Variants in DOCK3 observed in about 807,000 individuals in gnomAD.
DOCK3 encodes the protein dedicator of cytokinesis protein 3.
In DOCK3, 60 loss-of-function variants were observed where a neutral mutation model predicts 265.6. That is an observed-to-expected ratio of 0.23 (90% CI 0.18 to 0.28). The LOEUF is 0.28. Among genes scored for constraint, DOCK3 ranks in the 10% least tolerant of loss-of-function variants. The pLI is 1.00. For synonymous variants in DOCK3, 881 were observed against 938.0 expected (o/e 0.94, Z 1.11); for missense variants, 1,981 against 2,594.3 (o/e 0.76, Z 5.14).
At chr3:50,839,778 T>C (rs2045728621) in intron 2 of DOCK3, among the ~76,000 whole-genome samples, 1 of 120,216 alleles carries the variant, frequency 8.3e-6, no homozygotes, top group East Asian at 2.9e-4. Context: ...CCTCTCCTCT[T>C]CTTTTTTTGA....
At chr3:51,302,421 A>G (rs1044849932) in intron 27 of DOCK3, among the ~76,000 whole-genome samples, 12 of 151,982 alleles carry the variant, frequency 7.9e-5, no homozygotes, top group African/African-American at 2.7e-4. Flanking sequence ...CATTTAGCCT[A>G]TTTACATTTA....
At chr3:50,996,277 G>C (rs1390482765) in intron 5 of DOCK3, among the ~76,000 whole-genome samples, 2 of 151,550 alleles carry the variant, frequency 1.3e-5, no homozygotes, top group Non-Finnish European at 1.5e-5. Context: ...GAGTGCAGTG[G>C]CGCTATCTCG....
At chr3:50,920,511 T>G (rs2050388574) in intron 4 of DOCK3, among the ~76,000 whole-genome samples, 1 of 152,230 alleles carries the variant, frequency 6.6e-6, no homozygotes, top group Non-Finnish European at 1.5e-5. Flanking sequence ...ATCCATTTCT[T>G]CTAGATTTTC....
intron 12 of DOCK3, among the ~76,000 whole-genome samples, chr3:51,202,482 T>C (rs1189306147): frequency 6.6e-6 from 1 of 151,992 alleles, no homozygotes; most frequent in Admixed American, 6.6e-5. Context: ...AAGTTGAATC[T>C]CTGAATAGAC....
chr3:51,271,919 A>T (rs1359113426), intron 24 of DOCK3, among the ~76,000 whole-genome samples: 1 of 151,044 alleles, frequency 6.6e-6, no homozygotes, highest in East Asian at 1.9e-4. Flanking sequence ...TTTCCTTGCC[A>T]TACCATTCGA....
rs1045370123 is a variant in DOCK3 at position 51,337,406 on chromosome 3, G to T, written c.3612-953G>T. 3.9e-5 allele frequency among the ~76,000 whole-genome samples: 6 copies of T among 152,192 alleles called. No individual in the cohort carries two copies. The East Asian group carries it at 9.6e-4, about 24-fold the overall frequency. On this transcript the variant is annotated intron_variant, in intron 35 of 52. Transcript: ENST00000266037. ...TGTACTGCTCTTCACTGGGCCCTGT[G>T]CCTGCCAGTGGAGCAAAGCCAAAGA...
chr3:51,190,160 C>T (rs944172601), intron 12 of DOCK3, among the ~76,000 whole-genome samples: 2 of 152,182 alleles, frequency 1.3e-5, no homozygotes, highest in Non-Finnish European at 2.9e-5. Context: ...TCTTTTGTCC[C>T]ACAGGGTATT....
intron 1 of DOCK3, among the ~76,000 whole-genome samples, chr3:50,774,720 G>A (rs2041486983): frequency 6.6e-6 from 1 of 151,790 alleles, no homozygotes; most frequent in African/African-American, 2.4e-5. Context: ...TGCATACAGT[G>A]TTGAATAGAA....
chr3:50,983,551 G>A (rs1430034046), intron 5 of DOCK3, among the ~76,000 whole-genome samples: 1 of 152,084 alleles, frequency 6.6e-6, no homozygotes, highest in Admixed American at 6.5e-5. Context: ...AGGATAGCCT[G>A]CCTAGCAGAG....
intron 5 of DOCK3, among the ~76,000 whole-genome samples, chr3:51,004,215 G>A (rs2078585100): frequency 6.6e-6 from 1 of 151,962 alleles, no homozygotes; most frequent in Non-Finnish European, 1.5e-5. Context: ...TTCTGTTTGT[G>A]TCTTTTGGAT....
intron 4 of DOCK3, among the ~76,000 whole-genome samples, chr3:50,917,343 G>A (rs2107987647): frequency 6.6e-6 from 1 of 152,074 alleles, no homozygotes; most frequent in South Asian, 2.1e-4. Context: ...GTGGGTAGGG[G>A]AGAAAAACTT....
intron 32 of DOCK3, among the ~76,000 whole-genome samples, chr3:51,317,133 G>A (rs1202412591): frequency 6.6e-6 from 1 of 151,800 alleles, no homozygotes; most frequent in Non-Finnish European, 1.5e-5. Flanking sequence ...GTTGATTTCT[G>A]TATAAGGTAT....
chr3:50,853,129 A>G (rs767694142), intron 3 of DOCK3, among the ~76,000 whole-genome samples: 16 of 152,162 alleles, frequency 1.1e-4, no homozygotes, highest in Non-Finnish European at 1.8e-4. Context: ...ACTAGAACTT[A>G]TTCCTTTTAA....
At chr3:51,103,876 T>C (rs2083176760) in intron 9 of DOCK3, among the ~76,000 whole-genome samples, 1 of 152,106 alleles carries the variant, frequency 6.6e-6, no homozygotes, top group African/African-American at 2.4e-5. Context: ...GTCCTGGGGA[T>C]ATACTAGGGA....
At chr3:51,294,844 A>T (rs1398894987) in intron 27 of DOCK3, among the ~76,000 whole-genome samples, 2 of 152,162 alleles carry the variant, frequency 1.3e-5, no homozygotes, top group African/African-American at 2.4e-5. Flanking sequence ...TGGTGACAAT[A>T]GTTAATAATG....
chr3:50,713,250 T>TA (rs2107936955), intron 1 of DOCK3, among the ~76,000 whole-genome samples: 1 of 152,368 alleles, frequency 6.6e-6, no homozygotes, highest in African/African-American at 2.4e-5. Context: ...TAGTAGGACT[T>TA]TATTTTTCTC....
chr3:51,063,046 C>A (rs756270610), intron 5 of DOCK3, among the ~76,000 whole-genome samples: 2 of 152,178 alleles, frequency 1.3e-5, no homozygotes, highest in Non-Finnish European at 2.9e-5. Flanking sequence ...TGATTCCTAA[C>A]ATCTTCTAGT....
chr3:50,829,658 C>T (rs1197709351), intron 2 of DOCK3, among the ~76,000 whole-genome samples: 1 of 152,074 alleles, frequency 6.6e-6, no homozygotes. Context: ...GAAGTTCTGT[C>T]GAGGATAGTT....
intron 10 of DOCK3, among the ~76,000 whole-genome samples, chr3:51,158,364 A>G (rs946981998): frequency 2.0e-5 from 3 of 152,112 alleles, no homozygotes; most frequent in African/African-American, 7.2e-5. Flanking sequence ...CTGGCAACAT[A>G]GCAAGACCCC....
Sources: gnomAD v4.1 joint callset for allele counts (sites outside exome capture counted in the v4.1 genomes callset) on GRCh38, gnomAD v4.1.1 for gene constraint, MANE v1.5 for transcripts, NCBI Gene and HGNC (gene_info 2026-07-23, HGNC 2026-07-21) for gene names.